Variants in IGBP1C observed in about 807,000 individuals in gnomAD.
IGBP1C encodes IGBP1 family member C, also known as immunoglobulin-binding protein 1 family member C.
At chr17:58,669,362 A>G in the IGBP1C span, among the ~76,000 whole-genome samples, 1 of 144,364 alleles carries the variant, frequency 6.9e-6, no homozygotes, top group South Asian at 2.2e-4. Context: ...AAAAACAAAC[A>G]AAAAAAAAAA....
chr17:58,683,379 C>T, the IGBP1C span, among the ~76,000 whole-genome samples: 2 of 134,820 alleles, frequency 1.5e-5, no homozygotes, highest in African/African-American at 5.5e-5. Flanking sequence ...TCCCCCCCCC[C>T]AAAAAAAAAA....
the IGBP1C span, among the ~76,000 whole-genome samples, chr17:58,678,983 G>A: frequency 6.6e-6 from 1 of 151,710 alleles, no homozygotes; most frequent in Non-Finnish European, 1.5e-5. Context: ...GTGAAACCCC[G>A]TCTCTACTAA....
At chr17:58,688,268 C>A in the IGBP1C span, among the ~76,000 whole-genome samples, 1 of 151,950 alleles carries the variant, frequency 6.6e-6, no homozygotes, top group African/African-American at 2.4e-5. Context: ...CTATAGGTAC[C>A]CTCCACCACC....
At chr17:58,690,011 A>C in the IGBP1C span, among the ~76,000 whole-genome samples, 1,445 of 150,762 alleles carry the variant, frequency 9.6e-3, 27 homozygotes, top group African/African-American at 0.033. Flanking sequence ...CACCGCACCC[A>C]GCTAATTTTT....
chr17:58,671,743 GT>G, the IGBP1C span, among the ~76,000 whole-genome samples: 2 of 152,022 alleles, frequency 1.3e-5, no homozygotes, highest in Non-Finnish European at 2.9e-5. Flanking sequence ...TTAAAAACTC[GT>G]TTTCTTGTTC....
the IGBP1C span, among the ~76,000 whole-genome samples, chr17:58,668,111 G>T: frequency 3.9e-5 from 6 of 152,080 alleles, no homozygotes; most frequent in Non-Finnish European, 7.4e-5. Flanking sequence ...ACCCCAGCCT[G>T]TCTTCAGCAA....
chr17:58,672,196 C>A, the IGBP1C span, among the ~76,000 whole-genome samples: 5 of 152,230 alleles, frequency 3.3e-5, no homozygotes, highest in African/African-American at 1.2e-4. Flanking sequence ...GGTGCTCAGG[C>A]AGTAATGACA....
chr17:58,682,168 C>T, the IGBP1C span, among the ~76,000 whole-genome samples: 4 of 152,110 alleles, frequency 2.6e-5, no homozygotes, highest in Admixed American at 2.6e-4. Flanking sequence ...AGGCTGGGCT[C>T]AAACTCCTGG....
At chr17:58,686,727 T>C in the IGBP1C span, among the ~76,000 whole-genome samples, 1 of 152,276 alleles carries the variant, frequency 6.6e-6, no homozygotes, top group South Asian at 2.1e-4. Context: ...CTAGTATATA[T>C]GTCTGAGGCC....
At chr17:58,661,197 A>C in the IGBP1C span, 1 of 799,258 alleles carries the variant, frequency 1.3e-6, no homozygotes. Context: ...TTTTCAGCTG[A>C]GTTGGTCTTG....
chr17:58,673,835 T>C, the IGBP1C span, among the ~76,000 whole-genome samples: 2 of 152,186 alleles, frequency 1.3e-5, no homozygotes, highest in Admixed American at 1.3e-4. Flanking sequence ...CCCAAAGTCC[T>C]GGGATTATAG....
At chr17:58,672,430 G>A in the IGBP1C span, among the ~76,000 whole-genome samples, 121 of 152,228 alleles carry the variant, frequency 7.9e-4, 1 homozygote, top group Middle Eastern at 0.01. Flanking sequence ...CATCCTCACT[G>A]CTACTTGGCA....
At chr17:58,678,490 C>A in the IGBP1C span, among the ~76,000 whole-genome samples, 1 of 152,216 alleles carries the variant, frequency 6.6e-6, no homozygotes, top group South Asian at 2.1e-4. Flanking sequence ...GAACACTATG[C>A]AGCCATAAAA....
At chr17:58,688,596 C>A in the IGBP1C span, among the ~76,000 whole-genome samples, 1 of 152,092 alleles carries the variant, frequency 6.6e-6, no homozygotes, top group Non-Finnish European at 1.5e-5. Flanking sequence ...TTAATTTAAT[C>A]TTGACCAAAA....
At chr17:58,687,225 G>A in the IGBP1C span, among the ~76,000 whole-genome samples, 3 of 151,976 alleles carry the variant, frequency 2.0e-5, no homozygotes, top group African/African-American at 4.8e-5. Context: ...TAGAGAATGC[G>A]GTCTTGCAAG....
the IGBP1C span, among the ~76,000 whole-genome samples, chr17:58,670,459 A>G: frequency 6.6e-6 from 1 of 152,062 alleles, no homozygotes; most frequent in Non-Finnish European, 1.5e-5. Context: ...TGGGAAGGTA[A>G]GAATAAGGAT....
At chr17:58,687,162 A>C in the IGBP1C span, among the ~76,000 whole-genome samples, 1 of 152,110 alleles carries the variant, frequency 6.6e-6, no homozygotes, top group Non-Finnish European at 1.5e-5. Flanking sequence ...TGCTGACAGA[A>C]GATTTGCTGG....
At chr17:58,686,316 G>A in the IGBP1C span, among the ~76,000 whole-genome samples, 1 of 152,140 alleles carries the variant, frequency 6.6e-6, no homozygotes, top group Non-Finnish European at 1.5e-5. Context: ...GAAAGGGAAG[G>A]AGGTGTCAAG....
the IGBP1C span, among the ~76,000 whole-genome samples, chr17:58,683,008 G>C: frequency 6.8e-6 from 1 of 147,958 alleles, no homozygotes. Context: ...TGTCGAGATC[G>C]CGCCATTGCA....
Sources: gnomAD v4.1 joint callset for allele counts (sites outside exome capture counted in the v4.1 genomes callset) on GRCh38, gnomAD v4.1.1 for gene constraint, MANE v1.5 for transcripts, NCBI Gene and HGNC (gene_info 2026-07-23, HGNC 2026-07-21) for gene names.